Variants in DGKI observed in about 807,000 individuals in gnomAD.
DGKI encodes the protein DAG kinase iota.
In DGKI, 55 loss-of-function variants were observed where a neutral mutation model predicts 147.5. The ratio of observed to expected loss-of-function variants is 0.37; its 90% CI spans 0.30 to 0.47. The LOEUF is 0.47. Among genes scored for constraint, DGKI ranks in the 20% least tolerant of loss-of-function variants. DGKI has a pLI of 1.00. For missense variants in DGKI, 1,007 were observed against 1,323.8 expected (o/e 0.76, Z 3.71); for synonymous variants, 469 against 477.1 (o/e 0.98, Z 0.22).
rs577069610 is a variant in DGKI, at chr7:137,495,383, A to G, written c.2249-7694T>C. Among the ~76,000 whole-genome samples, 50 of 148,542 alleles carry G rather than the reference A, an allele frequency of 3.4e-4. No homozygotes were observed. In the South Asian group the frequency reaches 4.1e-3, roughly 12 times the overall value. On this transcript the variant is annotated intron_variant, in intron 21 of 32. Coordinates refer to ENST00000614521, the MANE Select transcript of DGKI (RefSeq NM_001321708.2). Reference sequence around the variant, plus strand: ...AGATGTATAAGGAAGAGCTGGTATGATTCCTACTGAAACTATTTAACAAAA... The same window carrying G: ...AGATGTATAAGGAAGAGCTGGTATGGTTCCTACTGAAACTATTTAACAAAA...
chr7:137,769,702 C>T (rs988372434), intron 1 of DGKI, among the ~76,000 whole-genome samples: 5 of 152,230 alleles, frequency 3.3e-5, no homozygotes, highest in South Asian at 2.1e-4. Context: ...GACATTTATG[C>T]GGCCAACAAA....
intron 29 of DGKI, among the ~76,000 whole-genome samples, chr7:137,409,779 C>T (rs566788086): frequency 2.6e-5 from 4 of 152,150 alleles, no homozygotes; most frequent in Admixed American, 6.5e-5. Context: ...AGTTAGTCCA[C>T]GGACACTTTC....
chr7:137,758,542 C>T (rs1429237682), intron 1 of DGKI, among the ~76,000 whole-genome samples: 2 of 151,916 alleles, frequency 1.3e-5, no homozygotes, highest in African/African-American at 2.4e-5. Flanking sequence ...AAAAATTAGC[C>T]GGGCATGATG....
intron 1 of DGKI, among the ~76,000 whole-genome samples, chr7:137,789,764 C>G (rs1238047359): frequency 6.6e-6 from 1 of 152,146 alleles, no homozygotes; most frequent in Non-Finnish European, 1.5e-5. Flanking sequence ...ACATTCCTAT[C>G]AGAAATTCTC....
intron 19 of DGKI, among the ~76,000 whole-genome samples, chr7:137,562,497 T>C (rs2128971734): frequency 6.6e-6 from 1 of 152,162 alleles, no homozygotes; most frequent in East Asian, 1.9e-4. Flanking sequence ...ATCATGCCAC[T>C]GCACTCCAGT....
At chr7:137,656,802 A>G (rs1822241732) in intron 3 of DGKI, among the ~76,000 whole-genome samples, 1 of 152,194 alleles carries the variant, frequency 6.6e-6, no homozygotes, top group Admixed American at 6.5e-5. Context: ...AATAATAATA[A>G]TAGCTCCAAT....
At chr7:137,691,809 T>TTTGTTTTTTTTTTTTG (rs796084236) in intron 1 of DGKI, among the ~76,000 whole-genome samples, 3 of 141,072 alleles carry the variant, frequency 2.1e-5, no homozygotes, top group Admixed American at 7.1e-5. Context: ...TTTTTTTTTT[T>TTTGTTTTTTTTTTTTG]TTTTTTTTTT....
intron 6 of DGKI, among the ~76,000 whole-genome samples, chr7:137,641,578 T>C (rs1283072941): frequency 6.6e-6 from 1 of 152,222 alleles, no homozygotes; most frequent in Non-Finnish European, 1.5e-5. Flanking sequence ...GCATGAAACA[T>C]AAATGAATTT....
chr7:137,487,768 T>TA lies in DGKI; in HGVS notation c.2249-80dup, dbSNP rs1053173377. The TA allele has an allele frequency of 7.3e-5, 95 of 1,297,322 alleles. No individual in the cohort carries two copies. In the African/African-American group the frequency reaches 1.2e-3, roughly 17 times the overall value. 80.4% of individuals were successfully genotyped at this position (1,297,322 alleles called of 1,614,324 possible). On this transcript the variant is annotated intron_variant, in intron 21 of 32. Transcript: ENST00000614521. The stretch of plus-strand genomic sequence containing the variant: ...TCAGCATAAATGTGTTTCTCGTGGT[T>TA]AAAAAACAATCTCATAAATATTATG...
At chr7:137,436,215 AT>A (rs1813278840) in intron 28 of DGKI, among the ~76,000 whole-genome samples, 1 of 152,158 alleles carries the variant, frequency 6.6e-6, no homozygotes, top group Non-Finnish European at 1.5e-5. Flanking sequence ...TTGACAGGAG[AT>A]TGGAACCCTA....
chr7:137,502,405 A>G (rs925750104), intron 21 of DGKI, among the ~76,000 whole-genome samples: 1 of 152,144 alleles, frequency 6.6e-6, no homozygotes, highest in African/African-American at 2.4e-5. Flanking sequence ...GTCATATGAT[A>G]AATTTAGGGA....
chr7:137,727,725 C>A (rs969712948), intron 1 of DGKI, among the ~76,000 whole-genome samples: 3 of 152,102 alleles, frequency 2.0e-5, no homozygotes, highest in Non-Finnish European at 4.4e-5. Flanking sequence ...ACATCAAGAG[C>A]CTTGAGCCTT....
intron 10 of DGKI, among the ~76,000 whole-genome samples, chr7:137,606,827 C>T (rs1820201821): frequency 6.6e-6 from 1 of 152,156 alleles, no homozygotes; most frequent in Non-Finnish European, 1.5e-5. Context: ...ATCATATTGT[C>T]CTCAAAATGA....
rs1819350557 is a variant in DGKI at position 137,585,302 on chromosome 7, T to C, written c.1470A>G (p.Glu490=). 1 of 1,614,070 alleles carries C rather than the reference T, an allele frequency of 6.2e-7. No individual in the cohort carries two copies. Among genetic ancestry groups the C allele is most frequent in the South Asian group, 1.1e-5 (1 of 91,092 alleles). The change falls in exon 14 of 33, where the codon GAA becomes GAG. Residue 490 remains glutamate, a synonymous_variant. Transcript: ENST00000614521. ...EPVSKILCQV[E]DGTVVQLDRW... is the part of the protein sequence containing the mutation. ...GATCTAGCTGTACAACTGTCCCATC[T>C]TCCACTTGACACAGGATCTTAGAAA...
chr7:137,696,698 G>T (rs764712000), intron 1 of DGKI, among the ~76,000 whole-genome samples: 6 of 148,200 alleles, frequency 4.0e-5, no homozygotes, highest in Non-Finnish European at 7.5e-5. Context: ...ATCACTTGAG[G>T]GAAAAAGTAA....
intron 3 of DGKI, among the ~76,000 whole-genome samples, chr7:137,677,033 C>T (rs1454359669): frequency 6.6e-6 from 1 of 152,160 alleles, no homozygotes; most frequent in Non-Finnish European, 1.5e-5. Flanking sequence ...ATCCCAGGAC[C>T]AGTGTTTACG....
chr7:137,570,681 T>C (rs1818762814), intron 19 of DGKI, among the ~76,000 whole-genome samples: 2 of 151,358 alleles, frequency 1.3e-5, no homozygotes, highest in South Asian at 2.1e-4. Flanking sequence ...AACCTTTGCC[T>C]CCTGTGTTCA....
intron 20 of DGKI, 47 bp from the exon 21 acceptor site, chr7:137,522,013 T>C (rs774044463): frequency 2.7e-5 from 38 of 1,404,270 alleles, no homozygotes; most frequent in South Asian, 8.3e-5. Context: ...GAGAGCGGAA[T>C]TGGTAGCCAT....
At chr7:137,568,291 T>G (rs1427691491) in intron 19 of DGKI, among the ~76,000 whole-genome samples, 1 of 152,202 alleles carries the variant, frequency 6.6e-6, no homozygotes. Context: ...AATTTTCCTT[T>G]TTCCAGAATG....
Sources: gnomAD v4.1 joint callset for allele counts (sites outside exome capture counted in the v4.1 genomes callset) on GRCh38, gnomAD v4.1.1 for gene constraint, MANE v1.5 for transcripts, NCBI Gene and HGNC (gene_info 2026-07-23, HGNC 2026-07-21) for gene names.